SLC44A5: variants seen among roughly 807,000 people sequenced by gnomAD.
The protein encoded by SLC44A5 is solute carrier family 44 member 5.
SLC44A5 carries 57 observed loss-of-function variants against 101.8 expected under a neutral mutation model. That is an observed-to-expected ratio of 0.56 (90% CI 0.45 to 0.70). The LOEUF (loss-of-function observed/expected upper bound fraction) is 0.70, where lower values mean the gene tolerates loss of function less well. Ranked by LOEUF, SLC44A5 falls within the 30% of genes least tolerant of loss-of-function variation. The pLI, the probability that SLC44A5 is intolerant of heterozygous loss-of-function variation, is 0.00. For missense variants in SLC44A5, 737 were observed against 853.1 expected, an observed-to-expected ratio of 0.86 and a Z score of 1.70; for synonymous variants, 281 against 290.9, an observed-to-expected ratio of 0.97 and a Z score of 0.35.
chr1:75,432,767 T>C (rs1019285151), intron 2 of SLC44A5, among the ~76,000 whole-genome samples: 2 of 151,434 alleles, frequency 1.3e-5, no homozygotes, highest in Non-Finnish European at 2.9e-5. Flanking sequence ...GAAAAAAAAA[T>C]GCGAGGGTCC....
the SLC44A5 span, among the ~76,000 whole-genome samples, chr1:75,670,786 C>T: frequency 2.6e-5 from 4 of 152,280 alleles, no homozygotes; most frequent in Admixed American, 6.5e-5. Flanking sequence ...TGTGACTATA[C>T]TTTGAAATTC....
intron 4 of SLC44A5, among the ~76,000 whole-genome samples, chr1:75,318,247 C>A (rs1465516740): frequency 6.6e-6 from 1 of 152,068 alleles, no homozygotes; most frequent in East Asian, 1.9e-4. Context: ...CAGGGTCACG[C>A]ACACCTGTAG....
intron 2 of SLC44A5, among the ~76,000 whole-genome samples, chr1:75,409,007 T>C (rs1340178366): frequency 6.6e-6 from 1 of 152,192 alleles, no homozygotes; most frequent in Non-Finnish European, 1.5e-5. Flanking sequence ...GATCCAACTA[T>C]GCATCCATAA....
intron 3 of SLC44A5, among the ~76,000 whole-genome samples, chr1:75,394,360 G>A (rs1181403102): frequency 6.6e-6 from 1 of 152,182 alleles, no homozygotes; most frequent in African/African-American, 2.4e-5. Flanking sequence ...GAGAGAATAG[G>A]AGAAAAGTGG....
chr1:75,683,888 A>C, the SLC44A5 span, among the ~76,000 whole-genome samples: 2 of 152,214 alleles, frequency 1.3e-5, no homozygotes, highest in South Asian at 2.1e-4. Flanking sequence ...TATTCCATGC[A>C]AACAGAAAAC....
At chr1:75,300,721 G>T (rs1334673499) in intron 4 of SLC44A5, 36 bp from the exon 5 acceptor site, 1 of 1,419,774 alleles carries the variant, frequency 7.0e-7, no homozygotes, top group Non-Finnish European at 9.6e-7. Flanking sequence ...ATTAAAAGAG[G>T]TCCCAAATGA....
the SLC44A5 span, among the ~76,000 whole-genome samples, chr1:75,639,424 T>C: frequency 8.1e-4 from 123 of 152,274 alleles, 3 homozygotes; most frequent in African/African-American, 2.9e-3. Context: ...AATCAACCTA[T>C]GCTTGATACA....
chr1:75,683,933 C>CA, the SLC44A5 span, among the ~76,000 whole-genome samples: 39,698 of 151,846 alleles, frequency 0.26, 6,448 homozygotes, highest in East Asian at 0.68. Context: ...TTATAGAAGA[C>CA]AAAATTGATG....
intron 6 of SLC44A5, among the ~76,000 whole-genome samples, chr1:75,259,200 G>T (rs1442104307): frequency 6.6e-6 from 1 of 152,112 alleles, no homozygotes; most frequent in African/African-American, 2.4e-5. Context: ...ACAGAATTAG[G>T]CTTCAGAAGA....
At chr1:75,385,417 A>G (rs1313134492) in intron 3 of SLC44A5, among the ~76,000 whole-genome samples, 1 of 152,134 alleles carries the variant, frequency 6.6e-6, no homozygotes, top group Non-Finnish European at 1.5e-5. Flanking sequence ...CCATCAGAGA[A>G]TACTACAAAT....
chr1:75,344,441 T>C (rs1442967603), intron 3 of SLC44A5, among the ~76,000 whole-genome samples: 2 of 152,126 alleles, frequency 1.3e-5, no homozygotes, highest in African/African-American at 2.4e-5. Flanking sequence ...TGTTACCTAA[T>C]ATAAGGAAAG....
chr1:75,204,283 G>C, intron 23 of SLC44A5, among the ~76,000 whole-genome samples: 1 of 151,954 alleles, frequency 6.6e-6, no homozygotes, highest in East Asian at 1.9e-4. Flanking sequence ...CATTGCCCTG[G>C]TTTTTCACAG....
At chr1:75,614,623 C>T (rs947826839), upstream of SLC44A5, among the ~76,000 whole-genome samples, 14 of 152,188 alleles carry the variant, frequency 9.2e-5, no homozygotes, top group African/African-American at 2.7e-4. Flanking sequence ...AAAGCCTGAG[C>T]GCTGCTGTAG....
intron 2 of SLC44A5, among the ~76,000 whole-genome samples, chr1:75,466,749 A>G (rs997252132): frequency 6.6e-6 from 1 of 152,080 alleles, no homozygotes; most frequent in African/African-American, 2.4e-5. Context: ...CTGAATGGGG[A>G]AAAACTGAAA....
intron 1 of SLC44A5, among the ~76,000 whole-genome samples, chr1:75,557,461 T>A (rs1672281573): frequency 6.6e-6 from 1 of 152,126 alleles, no homozygotes; most frequent in African/African-American, 2.4e-5. Context: ...ATATTTTCCA[T>A]CTAATAGCTC....
chr1:75,323,678 T>C (rs1656358238), intron 4 of SLC44A5, among the ~76,000 whole-genome samples: 1 of 152,220 alleles, frequency 6.6e-6, no homozygotes, highest in South Asian at 2.1e-4. Flanking sequence ...TATGGTTGAA[T>C]GTAATGAGTA....
Position 75,216,514 on chromosome 1 carries a change from G to C in SLC44A5, c.1625-657C>G, listed in dbSNP as rs536225407. Among the ~76,000 whole-genome samples, 77 of 151,944 alleles carry C rather than the reference G, an allele frequency of 5.1e-4. 1 individual carries two copies. The highest frequency in any genetic ancestry group is 1.5e-3 in the South Asian group (7 of 4,822). ...TATATTTAAAAATTTTTTAGAAGCT[G>C]CCATACTGTTTTCTACAGTGACTAC... On this transcript the variant is annotated intron_variant, in intron 18 of 23. Transcript: ENST00000370859.
At chr1:75,298,660 C>G (rs1654184168) in intron 5 of SLC44A5, among the ~76,000 whole-genome samples, 1 of 151,872 alleles carries the variant, frequency 6.6e-6, no homozygotes, top group South Asian at 2.1e-4. Flanking sequence ...AATAAGGCCT[C>G]CTAGTGGAAA....
intron 3 of SLC44A5, among the ~76,000 whole-genome samples, chr1:75,349,276 T>G (rs1039498031): frequency 5.3e-5 from 8 of 152,148 alleles, no homozygotes; most frequent in African/African-American, 1.9e-4. Context: ...GATGCAGAGG[T>G]TGCAGTAAGC....
Sources: allele counts gnomAD v4.1 joint callset (sites outside exome capture counted in the v4.1 genomes callset), GRCh38; gene constraint gnomAD v4.1.1; transcripts MANE v1.5; gene names NCBI Gene and HGNC (gene_info 2026-07-23, HGNC 2026-07-21).